SALL4: variants seen among roughly 807,000 people sequenced by gnomAD.
SALL4 encodes the protein spalt like transcription factor 4.
Under a neutral mutation model 60.8 loss-of-function variants are expected in SALL4, and 4 were observed. The observed-to-expected ratio is 0.07, with a 90% CI of 0.03 to 0.15. The LOEUF (loss-of-function observed/expected upper bound fraction) is 0.15. Ranked by LOEUF, SALL4 falls within the 10% of genes least tolerant of loss-of-function variation. SALL4 has a pLI of 1.00. For synonymous variants in SALL4, 580 were observed against 574.9 expected, an observed-to-expected ratio of 1.01 and a Z score of -0.13; for missense variants, 1,178 against 1,394.7, an observed-to-expected ratio of 0.84 and a Z score of 2.48.
At position 51,783,724 on chromosome 20, in the gene SALL4, G is replaced by GAAA. The variant is rs34105550; in HGVS notation, c.*538_*540dup. The GAAA allele has an allele frequency of 9.5e-5, 13 of 137,288 alleles. No individual in the cohort carries two copies. The highest frequency in any genetic ancestry group is 2.3e-4 in the South Asian group (1 of 4,438). 8.5% of individuals were successfully genotyped at this position (137,288 alleles called of 1,614,324 possible). A position where few individuals can be genotyped will look rare whatever the true frequency, so the allele number is the denominator to read the frequency against. ...CAAGACCCGCTTCTTTCCAAAATTA[G>GAAA]AAAAAAAAAAAAAAAGTGCCAGGCG... On this transcript the variant is annotated 3_prime_UTR_variant, in exon 4 of 4. Coordinates refer to ENST00000217086, the MANE Select transcript of SALL4 (RefSeq NM_020436.5).
intron 3 of SALL4, among the ~76,000 whole-genome samples, chr20:51,787,204 C>T (rs138948772): frequency 3.9e-5 from 6 of 152,124 alleles, no homozygotes; most frequent in Admixed American, 1.3e-4. Flanking sequence ...GGTGGATCAC[C>T]TGAGGTCTGG....
At chr20:51,794,297 G>C (rs2078067337) in intron 1 of SALL4, among the ~76,000 whole-genome samples, 5 of 152,294 alleles carry the variant, frequency 3.3e-5, no homozygotes. Flanking sequence ...TCCATTAAAG[G>C]CTGGGCGTGA....
rs2078116407 is a variant in SALL4 at position 51,802,360 on chromosome 20, C to T, written c.49G>A (p.Asp17Asn). ...TGCTGCGGCTGCTGCTCGCCCTGGT[C>T]CTCCTCCGAGTTGATGTGCTGGGGT... ...AKPQHINSEEDQGEQQPQQQT... is the reference protein window; with the variant it reads ...AKPQHINSEENQGEQQPQQQT... Residue 17 changes from aspartate (D) to asparagine (N), a missense_variant, in exon 1 of 4, where the codon GAC (aspartate) becomes AAC (asparagine). By Grantham distance (23) the Asp-to-Asn change is conservative (BLOSUM62 1). This residue lies in a region of SALL4 where 108 missense variants were observed against 95.7 expected (regional missense o/e 1.13). Coordinates refer to ENST00000217086, the MANE Select transcript of SALL4 (RefSeq NM_020436.5). The T allele has an allele frequency of 6.2e-7, 1 of 1,611,338 alleles. No individual in the cohort carries two copies. Among genetic ancestry groups the T allele is most frequent in the Non-Finnish European group, 8.5e-7 (1 of 1,179,848 alleles).
chr20:51,802,057 T>G (rs1327661776), intron 1 of SALL4, among the ~76,000 whole-genome samples: 6 of 143,684 alleles, frequency 4.2e-5, no homozygotes, highest in South Asian at 2.2e-4. Flanking sequence ...AAGCTGGGGG[T>G]GAAACTTACA....
Position 51,793,308 on chromosome 20 carries a change from C to A in SALL4, c.131-956G>T, listed in dbSNP as rs192000601. Among the ~76,000 whole-genome samples the A allele has an allele frequency of 2.8e-3, 421 of 151,628 alleles. 7 individuals are homozygous for A. The East Asian group carries it at 0.036, about 13-fold the overall frequency. On this transcript the variant is annotated intron_variant, in intron 1 of 3. Coordinates refer to ENST00000217086, the MANE Select transcript of SALL4 (RefSeq NM_020436.5). ...TTGAAACCAGCAACACAGTGACACC[C>A]CGTCTCTATAAAAAAAATAAGAAGA...
rs115861614 is a variant in SALL4 at position 51,792,417 on chromosome 20, C to T, written c.131-65G>A. The T allele has an allele frequency of 2.7e-4, 419 of 1,578,390 alleles. No individual in the cohort carries two copies. In the African/African-American group the frequency reaches 5.2e-3, roughly 20 times the overall value. On this transcript the variant is annotated intron_variant, in intron 1 of 3. Coordinates refer to ENST00000217086, the MANE Select transcript of SALL4 (RefSeq NM_020436.5). ...AAAAGATGTGGGGGGAGCCGGGCAC[C>T]GTCGCTCACATCTATAATCCTAGCA...
At chr20:51,792,681 T>C (rs1601172647) in intron 1 of SALL4, 3 of 323,364 alleles carry the variant, frequency 9.3e-6, no homozygotes, top group South Asian at 2.7e-4. Flanking sequence ...AGAGCGAGAC[T>C]CCATCTCAAA....
At chr20:51,787,977 A>G (rs1470288442) in intron 3 of SALL4, among the ~76,000 whole-genome samples, 1 of 149,454 alleles carries the variant, frequency 6.7e-6, no homozygotes, top group Admixed American at 6.7e-5. Flanking sequence ...GCATGCCACC[A>G]CGCCCATCTA....
intron 1 of SALL4, among the ~76,000 whole-genome samples, chr20:51,793,317 T>TA (rs146451965): frequency 0.054 from 8,126 of 151,572 alleles, 292 homozygotes; most frequent in East Asian, 0.14. Context: ...CCCGTCTCTA[T>TA]AAAAAAAATA....
chr20:51,789,786 CAAAA>C (rs891611153), intron 2 of SALL4, among the ~76,000 whole-genome samples: 6 of 152,098 alleles, frequency 3.9e-5, no homozygotes, highest in African/African-American at 1.4e-4. Flanking sequence ...TAAAAACCAA[CAAAA>C]AAGGTATGCT....
At chr20:51,784,771 A>C in intron 3 of SALL4, 87 bp from the exon 4 acceptor site, 8 of 1,452,722 alleles carry the variant, frequency 5.5e-6, no homozygotes, top group African/African-American at 1.4e-5. Flanking sequence ...TATGGATTTC[A>C]TTCTACCCAG....
chr20:51,785,654 T>C (rs2077986781), intron 3 of SALL4, among the ~76,000 whole-genome samples: 1 of 152,122 alleles, frequency 6.6e-6, no homozygotes, highest in Non-Finnish European at 1.5e-5. Context: ...TTGAGTCCTT[T>C]TTTTTTTGAG....
Position 51,791,592 on chromosome 20 carries a change from G to A in SALL4, c.891C>T (p.Ala297=). 2.5e-6 allele frequency: 4 copies of A among 1,613,580 alleles called. No individual in the cohort carries two copies. Among genetic ancestry groups the A allele is most frequent in the Non-Finnish European group, 3.4e-6 (4 of 1,180,042 alleles). ...GGGAGCTGGTGGCAGAAGGGATGTT[G>A]GCGTGAGGTAGCTTGGCTTGTTTCA... ...DALKQAKLPH[A]NIPSATSSLS... The change falls in exon 2 of 4, where the codon GCC becomes GCT. Residue 297 remains alanine (A), a synonymous_variant. Coordinates refer to ENST00000217086, the MANE Select transcript of SALL4 (RefSeq NM_020436.5). The surrounding 1 kb of genome is among the most constrained non-coding windows in gnomAD (Gnocchi z 4.6).
Position 51,788,793 on chromosome 20 carries a change from C to T in SALL4, c.2742+68G>A, listed in dbSNP as rs1430245762. 2.0e-5 allele frequency: 32 copies of T among 1,591,500 alleles called. No individual in the cohort carries two copies. Among genetic ancestry groups the T allele is most frequent in the South Asian group, 6.6e-5 (6 of 90,632 alleles). Reference sequence around the variant, plus strand: ...AATGGAAGGATGGAAGAACTCATCACGGCTTGTGCCAATAAGAAGACACCT... The same window carrying T: ...AATGGAAGGATGGAAGAACTCATCATGGCTTGTGCCAATAAGAAGACACCT... On this transcript the variant is annotated intron_variant, in intron 3 of 3. Coordinates refer to ENST00000217086, the MANE Select transcript of SALL4 (RefSeq NM_020436.5). The surrounding 1 kb of genome is among the most constrained non-coding windows in gnomAD (Gnocchi z 4.1).
chr20:51,790,041 G>C lies in SALL4; in HGVS notation c.2442C>G (p.Asn814Lys). The C allele has an allele frequency of 6.2e-7, 1 of 1,614,200 alleles. No individual in the cohort carries two copies. Among genetic ancestry groups the C allele is most frequent in the Non-Finnish European group, 8.5e-7 (1 of 1,180,042 alleles). Residue 814 changes from asparagine to lysine, a missense_variant, in exon 2 of 4, where the codon AAC (asparagine) becomes AAG (lysine). Physicochemically the swap from Asn to Lys is moderately conservative, Grantham distance 94. Coordinates refer to ENST00000217086, the MANE Select transcript of SALL4 (RefSeq NM_020436.5). This position sits in a 1 kb window ranked among gnomAD's most constrained non-coding sequence, Gnocchi z 5.5. Reference sequence around the variant, plus strand: ...TATCACCTTCCATCTCAGTGCGGCTGTTCTCGGAGCTCTCTGCTTTGCTCC... The same window carrying C: ...TATCACCTTCCATCTCAGTGCGGCTCTTCTCGGAGCTCTCTGCTTTGCTCC... ...DAGSKAESSE[N>K]SRTEMEGRSS...
At position 51,783,337 on chromosome 20, in the gene SALL4, T is replaced by G. The variant is rs1440194484; in HGVS notation, c.*928A>C. 1 of 152,148 alleles carries G rather than the reference T, an allele frequency of 6.6e-6. No homozygotes were observed. The highest frequency in any genetic ancestry group is 2.4e-5 in the African/African-American group (1 of 41,440). 9.4% of individuals were successfully genotyped at this position (152,148 alleles called of 1,614,324 possible). The stretch of plus-strand genomic sequence containing the variant: ...CTCCCTAAGGACTAACGTAAGTCCA[T>G]TTGAGGGCCTCCTACTTAAGGTTCT... On this transcript the variant is annotated 3_prime_UTR_variant, in exon 4 of 4. Coordinates refer to ENST00000217086, the MANE Select transcript of SALL4 (RefSeq NM_020436.5).
intron 3 of SALL4, among the ~76,000 whole-genome samples, chr20:51,785,086 T>C (rs1246977152): frequency 6.6e-6 from 1 of 152,044 alleles, no homozygotes; most frequent in East Asian, 1.9e-4. Flanking sequence ...GCAGATCACT[T>C]GAGGTCAGGA....
At position 51,791,751 on chromosome 20, in the gene SALL4, G is replaced by A. The variant is rs567647391; in HGVS notation, c.732C>T (p.Ser244=). The A allele has an allele frequency of 3.7e-6, 6 of 1,614,118 alleles. No homozygotes were observed. The East Asian group carries it at 1.3e-4, about 36-fold the overall frequency. ...CTGCCCCGCTTGAGTGGAGGGCGTG[G>A]GAGGCCCACATGTTCACCTGGATGC... The part of the protein sequence containing the change: ...QIRIQVNMWA[S]HALHSSGAGA... The change falls in exon 2 of 4, where the codon TCC becomes TCT. Residue 244 remains serine, a synonymous_variant. Coordinates refer to ENST00000217086, the MANE Select transcript of SALL4 (RefSeq NM_020436.5). The surrounding 1 kb of genome is among the most constrained non-coding windows in gnomAD (Gnocchi z 4.6).
At chr20:51,792,867 A>G (rs2078057892) in intron 1 of SALL4, 2 of 1,025,588 alleles carry the variant, frequency 2.0e-6, no homozygotes, top group African/African-American at 3.5e-5. Context: ...AAGCTACTTC[A>G]TTGTTCTCAC....
Sources: gnomAD v4.1 joint callset for allele counts (sites outside exome capture counted in the v4.1 genomes callset) on GRCh38, gnomAD v4.1.1 for gene constraint, gnomAD v4.1.1 regional missense constraint, Gnocchi (gnomAD v3.1) non-coding constraint, MANE v1.5 for transcripts, NCBI Gene and HGNC (gene_info 2026-07-23, HGNC 2026-07-21) for gene names.